The following RASGEF1C variants were observed in gnomAD, a reference collection of about 807,000 sequenced individuals.
The protein encoded by RASGEF1C is RasGEF domain family member 1C.
Under a neutral mutation model 58.1 loss-of-function variants are expected in RASGEF1C, and 27 were observed. The observed-to-expected ratio is 0.46, with a 90% confidence interval of 0.34 to 0.64. The LOEUF (loss-of-function observed/expected upper bound fraction) is 0.64, where lower values mean the gene tolerates loss of function less well. Among genes scored for constraint, RASGEF1C ranks in the 30% least tolerant of loss-of-function variants. The pLI, the probability that RASGEF1C is intolerant of heterozygous loss-of-function variation, is 0.01. For missense variants in RASGEF1C, 502 were observed against 605.1 expected (o/e 0.83, Z 1.79); for synonymous variants, 243 against 246.3 (o/e 0.99, Z 0.13).
In RASGEF1C at chr5:180,197,817, A is replaced by AGTGC. The variant is rs1756306812; in HGVS notation, c.-7+11210_-7+11211insGCAC. ...TTTTGAACACTGTCTGGATTTTAAAACAAACAACTAAACAACTTCCTGACC... is the reference window on the plus strand; with the variant it reads ...TTTTGAACACTGTCTGGATTTTAAAAGTGCCAAACAACTAAACAACTTCCTGACC... On this transcript the variant is annotated intron_variant, in intron 1 of 13. Coordinates refer to ENST00000361132, the MANE Select transcript of RASGEF1C (RefSeq NM_175062.4). This position sits in a 1 kb window ranked among gnomAD's most constrained non-coding sequence, Gnocchi z 4.7. 5.9e-5 allele frequency among the ~76,000 whole-genome samples: 9 copies of AGTGC among 152,214 alleles called. No individual in the cohort carries two copies. The highest frequency in any genetic ancestry group is 2.6e-4 in the Admixed American group (4 of 15,282).
chr5:180,116,091 G>A (rs1251272521), intron 10 of RASGEF1C, among the ~76,000 whole-genome samples: 1 of 152,082 alleles, frequency 6.6e-6, no homozygotes, highest in Admixed American at 6.5e-5. Flanking sequence ...CTCAAGAGGT[G>A]GCGCGTCCCA....
At chr5:180,121,017 C>T (rs1766982010) in intron 7 of RASGEF1C, 43 bp downstream of exon 7, 1 of 1,474,288 alleles carries the variant, frequency 6.8e-7, no homozygotes, top group Admixed American at 1.7e-5. Flanking sequence ...CTCCGGCCGC[C>T]TGGGGCTATG....
intron 6 of RASGEF1C, among the ~76,000 whole-genome samples, chr5:180,125,638 C>T (rs1434553719): frequency 2.6e-5 from 4 of 151,996 alleles, no homozygotes; most frequent in Non-Finnish European, 5.9e-5. Flanking sequence ...CAAAATTAGC[C>T]AGGCGTGGTG....
At chr5:180,202,845 GGTGCCC>G (rs1756418834) in intron 1 of RASGEF1C, among the ~76,000 whole-genome samples, 1 of 152,056 alleles carries the variant, frequency 6.6e-6, no homozygotes, top group Non-Finnish European at 1.5e-5. Flanking sequence ...TGGGATTACA[GGTGCCC>G]GCCACCACGC....
At chr5:180,129,073 C>T (rs1403429578) in intron 4 of RASGEF1C, among the ~76,000 whole-genome samples, 1 of 152,222 alleles carries the variant, frequency 6.6e-6, no homozygotes, top group African/African-American at 2.4e-5. Flanking sequence ...CTTCCCCGAC[C>T]AGCTGTGCTG....
chr5:180,156,808 T>A lies in RASGEF1C; in HGVS notation c.-6-18750A>T, dbSNP rs574493218. Among the ~76,000 whole-genome samples the A allele has an allele frequency of 2.6e-5, 4 of 151,962 alleles. No homozygotes were observed. The highest frequency in any genetic ancestry group is 2.6e-4 in the Admixed American group (4 of 15,256). On this transcript the variant is annotated intron_variant, in intron 1 of 13. Transcript: ENST00000361132. This position sits in a 1 kb window ranked among gnomAD's most constrained non-coding sequence, Gnocchi z 4.9. Reference sequence around the variant, plus strand: ...AAATAAAATAAAACATACAAAGAAATCTTACAACTTAATAATAAGAAAACA... The same window carrying A: ...AAATAAAATAAAACATACAAAGAAAACTTACAACTTAATAATAAGAAAACA...
At chr5:180,118,302 G>A (rs1234002049) in intron 10 of RASGEF1C, among the ~76,000 whole-genome samples, 1 of 152,144 alleles carries the variant, frequency 6.6e-6, no homozygotes, top group Non-Finnish European at 1.5e-5. Context: ...GAGGCCATGG[G>A]GGCTCTGAAG....
chr5:180,205,715 A>ATAT (rs10577396), intron 1 of RASGEF1C, among the ~76,000 whole-genome samples: 8,145 of 147,092 alleles, frequency 0.055, 273 homozygotes, highest in East Asian at 0.1. Flanking sequence ...CATTATTATA[A>ATAT]TATTATTATT....
chr5:180,201,863 G>A (rs1036970038), intron 1 of RASGEF1C, among the ~76,000 whole-genome samples: 10 of 152,320 alleles, frequency 6.6e-5, no homozygotes, highest in South Asian at 6.2e-4. Context: ...AGCCATCTGC[G>A]AACCAGGATG....
intron 6 of RASGEF1C, among the ~76,000 whole-genome samples, chr5:180,125,153 CAACAAA>C (rs897799385): frequency 2.0e-5 from 3 of 152,124 alleles, no homozygotes; most frequent in Middle Eastern, 3.4e-3. Context: ...ACAACAACAA[CAACAAA>C]AAACCCAAAA....
chr5:180,130,538 A>G (rs1766349647), intron 4 of RASGEF1C, among the ~76,000 whole-genome samples: 1 of 151,526 alleles, frequency 6.6e-6, no homozygotes, highest in African/African-American at 2.4e-5. Flanking sequence ...CCTCACCCCC[A>G]CTCACTCCTG....
intron 1 of RASGEF1C, among the ~76,000 whole-genome samples, chr5:180,208,007 AC>A (rs1756519051): frequency 6.6e-6 from 1 of 152,132 alleles, no homozygotes; most frequent in Non-Finnish European, 1.5e-5. Flanking sequence ...GTGAGCACTT[AC>A]GGGGGCAGGC....
At chr5:180,110,302 C>T (rs969462337) in intron 12 of RASGEF1C, among the ~76,000 whole-genome samples, 1 of 152,022 alleles carries the variant, frequency 6.6e-6, no homozygotes, top group Non-Finnish European at 1.5e-5. Flanking sequence ...GGTGAAAGCC[C>T]CTCCAAAAAG....
At chr5:180,114,843 G>A (rs1054706696) in intron 10 of RASGEF1C, among the ~76,000 whole-genome samples, 34 of 152,338 alleles carry the variant, frequency 2.2e-4, no homozygotes, top group Non-Finnish European at 1.9e-4. Context: ...GCACAGTCAC[G>A]ATGACCCTTG....
intron 1 of RASGEF1C, among the ~76,000 whole-genome samples, chr5:180,194,490 AC>A (rs1319447046): frequency 6.6e-6 from 1 of 152,210 alleles, no homozygotes; most frequent in Non-Finnish European, 1.5e-5. Context: ...CACGGGGTCT[AC>A]GCTCAAGTCC....
At chr5:180,121,205 T>C (rs968369884) in intron 6 of RASGEF1C, 56 bp from the exon 7 acceptor site, 404 of 1,230,026 alleles carry the variant, frequency 3.3e-4, no homozygotes, top group Non-Finnish European at 4.6e-4. Context: ...CTATCATCTT[T>C]TAGAGCATGA....
At chr5:180,103,298 C>G (rs538597919) in intron 12 of RASGEF1C, among the ~76,000 whole-genome samples, 1 of 152,146 alleles carries the variant, frequency 6.6e-6, no homozygotes, top group East Asian at 1.9e-4. Flanking sequence ...AGGATGGTCT[C>G]GATCTCCTGA....
At chr5:180,173,476 G>A (rs1270196526) in intron 1 of RASGEF1C, among the ~76,000 whole-genome samples, 1 of 152,226 alleles carries the variant, frequency 6.6e-6, no homozygotes, top group Non-Finnish European at 1.5e-5. Flanking sequence ...CAGCTATGTG[G>A]ACGTCACTCC....
At chr5:180,129,643 C>T (rs1766329064) in intron 4 of RASGEF1C, among the ~76,000 whole-genome samples, 1 of 152,216 alleles carries the variant, frequency 6.6e-6, no homozygotes, top group African/African-American at 2.4e-5. Context: ...TCTGAAGTGA[C>T]CTGATGATGC....
Sources: gnomAD v4.1 joint callset for allele counts (sites outside exome capture counted in the v4.1 genomes callset) on GRCh38, gnomAD v4.1.1 for gene constraint, Gnocchi (gnomAD v3.1) non-coding constraint, MANE v1.5 for transcripts, NCBI Gene and HGNC (gene_info 2026-07-23, HGNC 2026-07-21) for gene names.